PDZRN3: variants seen among roughly 807,000 people sequenced by gnomAD.
PDZRN3 encodes PDZ domain containing ring finger 3.
Under a neutral mutation model 85.7 loss-of-function variants are expected in PDZRN3, and 38 were observed. The observed-to-expected ratio is 0.44, with a 90% CI of 0.34 to 0.58. The LOEUF is 0.58. Among genes scored for constraint, PDZRN3 ranks in the 20% least tolerant of loss-of-function variants. The pLI, the probability that PDZRN3 is intolerant of heterozygous loss-of-function variation, is 0.01. For synonymous variants in PDZRN3, 759 were observed against 638.0 expected, an observed-to-expected ratio of 1.19 and a Z score of -2.86; for missense variants, 1,629 against 1,506.4, an observed-to-expected ratio of 1.08 and a Z score of -1.35.
chr3:73,486,508 G>T (rs905020646), intron 3 of PDZRN3, among the ~76,000 whole-genome samples: 14 of 152,326 alleles, frequency 9.2e-5, no homozygotes, highest in African/African-American at 3.4e-4. Context: ...AATGGTTACA[G>T]AATTTCTGTG....
chr3:73,469,973 A>T (rs1703303009), intron 3 of PDZRN3, among the ~76,000 whole-genome samples: 1 of 152,166 alleles, frequency 6.6e-6, no homozygotes, highest in African/African-American at 2.4e-5. Flanking sequence ...GTCTAGCAGC[A>T]TCCCTGGCCT....
At chr3:73,505,457 A>G (rs535808302) in intron 3 of PDZRN3, among the ~76,000 whole-genome samples, 2 of 152,176 alleles carry the variant, frequency 1.3e-5, no homozygotes, top group Non-Finnish European at 2.9e-5. Flanking sequence ...CCTCTCCCAA[A>G]CAAAAATTGC....
intron 3 of PDZRN3, among the ~76,000 whole-genome samples, chr3:73,488,944 C>A (rs1314461609): frequency 6.6e-6 from 1 of 152,152 alleles, no homozygotes; most frequent in Non-Finnish European, 1.5e-5. Context: ...GGTGTGTGTG[C>A]CTGTAGTGGG....
At chr3:73,504,490 T>C (rs1319410089) in intron 3 of PDZRN3, among the ~76,000 whole-genome samples, 1 of 152,172 alleles carries the variant, frequency 6.6e-6, no homozygotes, top group Non-Finnish European at 1.5e-5. Context: ...ACAGAGAATG[T>C]TATTTTTCTG....
intron 3 of PDZRN3, among the ~76,000 whole-genome samples, chr3:73,559,673 G>A (rs1701775572): frequency 1.3e-5 from 2 of 152,170 alleles, no homozygotes; most frequent in South Asian, 4.1e-4. Context: ...GAAAGAGACG[G>A]TTTGCTTTTA....
In PDZRN3 at chr3:73,471,576, G is replaced by C. The variant is rs77166811; in HGVS notation, c.919-67181C>G. 7.3e-3 allele frequency among the ~76,000 whole-genome samples: 1,116 copies of C among 152,226 alleles called. 11 individuals carry two copies. The highest frequency in any genetic ancestry group is 0.025 in the African/African-American group (1,053 of 41,514). ...CTGCCATATGCATGTCTTGGAGCCG[G>C]GCCATGTCCTCTGAGGGGTCCTCAC... On this transcript the variant is annotated intron_variant, in intron 3 of 9. Coordinates refer to ENST00000263666, the MANE Select transcript of PDZRN3 (RefSeq NM_015009.3).
intron 3 of PDZRN3, among the ~76,000 whole-genome samples, chr3:73,482,005 C>T (rs1045816752): frequency 2.6e-5 from 4 of 152,074 alleles, no homozygotes; most frequent in African/African-American, 9.7e-5. Flanking sequence ...GCGAAAATGG[C>T]AAACAAATGG....
At position 73,408,092 on chromosome 3, in the gene PDZRN3, T is replaced by A. The variant is rs558761263; in HGVS notation, c.919-3697A>T. On this transcript the variant is annotated intron_variant, in intron 3 of 9. Transcript: ENST00000263666. Reference sequence around the variant, plus strand: ...ACAATTTTAGTAGCCCATGCAGTTTTCAATCAAATACAGTTCAAATAAGCC... The same window carrying A: ...ACAATTTTAGTAGCCCATGCAGTTTACAATCAAATACAGTTCAAATAAGCC... 4 of 690,636 alleles carry A rather than the reference T, an allele frequency of 5.8e-6. No individual in the cohort carries two copies. The East Asian group carries it at 1.1e-4, about 19-fold the overall frequency. 42.8% of individuals were successfully genotyped at this position (690,636 alleles called of 1,614,324 possible).
intron 3 of PDZRN3, chr3:73,561,763 C>T (rs1031119683): frequency 7.9e-5 from 12 of 152,242 alleles, no homozygotes; most frequent in Non-Finnish European, 1.5e-4. Flanking sequence ...TTTTCTGAGG[C>T]ACGTGTTTGG....
At chr3:73,507,110 C>T (rs1704082061) in intron 3 of PDZRN3, among the ~76,000 whole-genome samples, 1 of 152,172 alleles carries the variant, frequency 6.6e-6, no homozygotes, top group African/African-American at 2.4e-5. Context: ...GGCAACAATA[C>T]ACTCAGAAAA....
In PDZRN3 at chr3:73,475,844, G is replaced by A. The variant is rs113267332; in HGVS notation, c.919-71449C>T. Among the ~76,000 whole-genome samples the A allele has an allele frequency of 6.9e-3, 1,046 of 152,280 alleles. 15 individuals carry two copies. Among genetic ancestry groups the A allele is most frequent in the African/African-American group, 0.023 (958 of 41,560 alleles). ...AAATGGCAAAGGAGCAAATGCAAGC[G>A]TTTGATACCATCTCAGGATATGCAA... On this transcript the variant is annotated intron_variant, in intron 3 of 9. Coordinates refer to ENST00000263666, the MANE Select transcript of PDZRN3 (RefSeq NM_015009.3).
intron 3 of PDZRN3, among the ~76,000 whole-genome samples, chr3:73,600,847 A>G (rs181473147): frequency 2.2e-4 from 34 of 152,338 alleles, no homozygotes; most frequent in Non-Finnish European, 3.7e-4. Context: ...TGAGCTCTTA[A>G]GAAAGCACTC....
Position 73,478,019 on chromosome 3 carries a change from G to A in PDZRN3, c.919-73624C>T, listed in dbSNP as rs75779988. ...CCACTGGGTCCCTCCCAAGAAACAC[G>A]GGAATTATGGGAATTACAATTCAAG... On this transcript the variant is annotated intron_variant, in intron 3 of 9. Transcript: ENST00000263666. 1.7e-3 allele frequency among the ~76,000 whole-genome samples: 263 copies of A among 152,204 alleles called. 1 individual carries two copies. Among genetic ancestry groups the A allele is most frequent in the African/African-American group, 6.1e-3 (254 of 41,530 alleles).
intron 3 of PDZRN3, chr3:73,433,524 A>G: frequency 1.5e-6 from 1 of 682,024 alleles, no homozygotes; most frequent in Non-Finnish European, 2.4e-6. Context: ...TGCGTCTTTC[A>G]GAACACAAAA....
chr3:73,390,986 G>A (rs976077005), intron 6 of PDZRN3, 32 bp downstream of exon 6: 10 of 1,416,246 alleles, frequency 7.1e-6, no homozygotes, highest in South Asian at 1.2e-5. Context: ...GTCTTGATAC[G>A]ATAGTTAGAA....
chr3:73,473,857 G>A (rs1703397324), intron 3 of PDZRN3, among the ~76,000 whole-genome samples: 1 of 152,182 alleles, frequency 6.6e-6, no homozygotes, highest in South Asian at 2.1e-4. Context: ...ACACAGCTTT[G>A]TGAGAGACCC....
At chr3:73,451,849 T>TCACA (rs58276955) in intron 3 of PDZRN3, among the ~76,000 whole-genome samples, 34 of 149,400 alleles carry the variant, frequency 2.3e-4, no homozygotes, top group East Asian at 7.8e-4. Flanking sequence ...TAGCTTCTCA[T>TCACA]CACACACACA....
At chr3:73,585,706 C>T (rs1325997075) in intron 3 of PDZRN3, among the ~76,000 whole-genome samples, 6 of 152,148 alleles carry the variant, frequency 3.9e-5, no homozygotes, top group African/African-American at 9.7e-5. Context: ...AAACTTCCAT[C>T]GAAGAAATGG....
chr3:73,387,780 G>T (rs1701428734), intron 8 of PDZRN3, among the ~76,000 whole-genome samples, 188 bp downstream of exon 8: 1 of 152,118 alleles, frequency 6.6e-6, no homozygotes, highest in Non-Finnish European at 1.5e-5. Flanking sequence ...ATGCCAGGGT[G>T]GGCATCTAAC....
Sources: allele counts gnomAD v4.1 joint callset (sites outside exome capture counted in the v4.1 genomes callset), GRCh38; gene constraint gnomAD v4.1.1; transcripts MANE v1.5; gene names NCBI Gene and HGNC (gene_info 2026-07-23, HGNC 2026-07-21).